Variants in CEP164 observed in about 807,000 individuals in gnomAD.
The protein encoded by CEP164 is centrosomal protein 164.
Under a neutral mutation model 182.7 loss-of-function variants are expected in CEP164, and 162 were observed. That is an observed-to-expected ratio of 0.89 (90% confidence interval 0.78 to 1.01). CEP164 has a LOEUF of 1.01. Among genes scored for constraint, CEP164 ranks in the 50% least tolerant of loss-of-function variants. The pLI, the probability that CEP164 is intolerant of heterozygous loss-of-function variation, is 0.00. For missense variants in CEP164, 1,735 were observed against 1,790.4 expected (o/e 0.97, Z 0.56); for synonymous variants, 661 against 690.0 (o/e 0.96, Z 0.66).
intron 1 of CEP164, among the ~76,000 whole-genome samples, chr11:117,329,247 C>T (rs1021739847): frequency 3.9e-5 from 6 of 152,138 alleles, no homozygotes; most frequent in Admixed American, 3.9e-4. Context: ...CAGGCATGCA[C>T]CACTATTCTT....
chr11:117,339,594 T>C (rs1051890611), intron 3 of CEP164, among the ~76,000 whole-genome samples: 7 of 144,446 alleles, frequency 4.8e-5, no homozygotes, highest in African/African-American at 1.8e-4. Context: ...AGTGGTATGA[T>C]CTTGGCTCAC....
chr11:117,356,985 C>G (rs1419346737), intron 5 of CEP164, among the ~76,000 whole-genome samples: 1 of 152,212 alleles, frequency 6.6e-6, no homozygotes, highest in African/African-American at 2.4e-5. Flanking sequence ...TTTTTCCTAT[C>G]AGCTGATTCT....
intron 5 of CEP164, chr11:117,359,387 C>A (rs924380206): frequency 2.0e-6 from 2 of 984,636 alleles, no homozygotes; most frequent in African/African-American, 3.5e-5. Flanking sequence ...GCTGGTGTTA[C>A]GATTATCAGC....
intron 10 of CEP164, 76 bp downstream of exon 10, chr11:117,373,907 C>G: frequency 7.7e-7 from 1 of 1,294,660 alleles, no homozygotes; most frequent in Non-Finnish European, 1.1e-6. Flanking sequence ...AGTAATTTGC[C>G]TAGCATCACG....
chr11:117,382,071 G>A (rs1462132962), intron 13 of CEP164, among the ~76,000 whole-genome samples: 1 of 152,150 alleles, frequency 6.6e-6, no homozygotes, highest in Non-Finnish European at 1.5e-5. Context: ...ATGAGGAAAT[G>A]TGCCTCTTCC....
chr11:117,366,968 G>A (rs2041703312), intron 8 of CEP164, among the ~76,000 whole-genome samples: 1 of 152,206 alleles, frequency 6.6e-6, no homozygotes, highest in Non-Finnish European at 1.5e-5. Flanking sequence ...CAGCAGAAAT[G>A]TGCCTTGAGA....
upstream of CEP164, among the ~76,000 whole-genome samples, chr11:117,323,364 A>G (rs926672301): frequency 2.0e-5 from 3 of 150,530 alleles, no homozygotes; most frequent in Admixed American, 1.3e-4. Flanking sequence ...TTCTGTGCCT[A>G]GCTTATTTCA....
chr11:117,392,230 T>C lies in CEP164; in HGVS notation c.2288T>C (p.Val763Ala), dbSNP rs1592362998. ...AGTCCCTTTGCTCCTCCCCAGGCTGTGGCAACGCTGGAGAAGGAGCACAGT... is the reference window on the plus strand; with the variant it reads ...AGTCCCTTTGCTCCTCCCCAGGCTGCGGCAACGCTGGAGAAGGAGCACAGT... ...EQLEGERKEA[V>A]ATLEKEHSAE... Residue 763 changes from valine to alanine, a missense_variant, in exon 18 of 33, where the codon GTG (valine) becomes GCG (alanine). Coordinates refer to ENST00000278935, the MANE Select transcript of CEP164 (RefSeq NM_014956.5). 1 of 1,602,986 alleles carries C rather than the reference T, an allele frequency of 6.2e-7. No homozygotes were observed. The highest frequency in any genetic ancestry group is 8.5e-7 in the Non-Finnish European group (1 of 1,173,590).
intron 27 of CEP164, among the ~76,000 whole-genome samples, chr11:117,400,200 A>C (rs1664108878): frequency 6.6e-6 from 1 of 152,248 alleles, no homozygotes; most frequent in South Asian, 2.1e-4. Context: ...AGTTTTCTGC[A>C]TATGGCTAGT....
Position 117,394,716 on chromosome 11 carries a change from G to A in CEP164, c.2761-204G>A, listed in dbSNP as rs2045204730. Among the ~76,000 whole-genome samples, 1 of 152,162 alleles carries A rather than the reference G, an allele frequency of 6.6e-6. No homozygotes were observed. Among genetic ancestry groups the A allele is most frequent in the Non-Finnish European group, 1.5e-5 (1 of 68,026 alleles). ...GAGGTCAGCCCCTGTAAGGCATTGG[G>A]GTTGGCACCTTTGCGTCTCCTTGCC... On this transcript the variant is annotated intron_variant, in intron 21 of 32. Coordinates refer to ENST00000278935, the MANE Select transcript of CEP164 (RefSeq NM_014956.5). The surrounding 1 kb of genome is among the most constrained non-coding windows in gnomAD (Gnocchi z 4.0).
intron 11 of CEP164, among the ~76,000 whole-genome samples, chr11:117,376,753 T>G (rs548989403): frequency 1.3e-5 from 2 of 152,334 alleles, no homozygotes; most frequent in South Asian, 4.1e-4. Flanking sequence ...TACCAGGTCC[T>G]TGTTGGATCT....
rs484988 is a variant in CEP164, at chr11:117,395,932, G to C, written c.3090-122G>C. 0.35 allele frequency: 488,468 copies of C among 1,406,672 alleles called. 86,142 individuals carry two copies. The highest frequency in any genetic ancestry group is 0.36 in the African/African-American group (25,252 of 70,110). The allele number at this position is 1,406,672 out of a possible 1,614,324, so 87.1% of individuals were successfully genotyped here. On this transcript the variant is annotated intron_variant, in intron 24 of 32. Transcript: ENST00000278935. ...ATCTCTGGTGCTATTGTTCGTGCCTGAGCCCTTCCTCAGGGACTTTGACGG... is the reference window on the plus strand; with the variant it reads ...ATCTCTGGTGCTATTGTTCGTGCCTCAGCCCTTCCTCAGGGACTTTGACGG...
chr11:117,411,698 A>C lies in CEP164; in HGVS notation c.4164-97A>C, dbSNP rs1006457393. The C allele has an allele frequency of 3.9e-6, 6 of 1,524,864 alleles. No individual in the cohort carries two copies. The African/African-American group carries it at 8.3e-5, about 21-fold the overall frequency. 94.5% of individuals were successfully genotyped at this position (1,524,864 alleles called of 1,614,324 possible). A position where few individuals can be genotyped will look rare whatever the true frequency, so the allele number is the denominator to read the frequency against. ...AGAAGCTGCTCTGGTAGCTGAGAGA[A>C]AGAGGGAGGAGGTGACAGATGTGAT... is the stretch of plus-strand genomic sequence containing the variant. On this transcript the variant is annotated intron_variant, in intron 31 of 32. Coordinates refer to ENST00000278935, the MANE Select transcript of CEP164 (RefSeq NM_014956.5). The surrounding 1 kb of genome is among the most constrained non-coding windows in gnomAD (Gnocchi z 4.4).
chr11:117,388,771 CT>C (rs5795077), intron 15 of CEP164, among the ~76,000 whole-genome samples: 95,778 of 142,686 alleles, frequency 0.67, 32,014 homozygotes, highest in Non-Finnish European at 0.73. Flanking sequence ...AATTTTCTCT[CT>C]TTTTTTTTTT....
rs1413381721 is a variant in CEP164, at chr11:117,371,237, C to A, written c.923C>A (p.Pro308His). 6.2e-7 allele frequency: 1 copy of A among 1,614,172 alleles called. No homozygotes were observed. Among genetic ancestry groups the A allele is most frequent in the Admixed American group, 1.7e-5 (1 of 60,014 alleles). The change falls in exon 9 of 33, where the codon CCT (proline) becomes CAT (histidine). Residue 308 changes from proline (P) to histidine (H), a missense_variant. Physicochemically the swap from Pro to His is moderately conservative, Grantham distance 77. Coordinates refer to ENST00000278935, the MANE Select transcript of CEP164 (RefSeq NM_014956.5). ...GGGCGACAGGGAAGTGGAGCAAGAC[C>A]TGGTCTTCCAGAAAAAGAGGAAAAT... ...GKGRQGSGAR[P>H]GLPEKEENEK...
At chr11:117,402,247 A>T in intron 27 of CEP164, among the ~76,000 whole-genome samples, 3 of 147,154 alleles carry the variant, frequency 2.0e-5, no homozygotes, top group Non-Finnish European at 1.5e-5. Context: ...TTTGAGACAG[A>T]GTCTTGCTCT....
In CEP164 at chr11:117,397,923, C is replaced by T. The variant is rs141327490; in HGVS notation, c.3501+610C>T. ...CATGTCCTCACATTTCAAAACCAAT[C>T]ATGCCTTCCCAACAGTCCTCAAAGT... is the stretch of plus-strand genomic sequence containing the variant. On this transcript the variant is annotated intron_variant, in intron 27 of 32. Coordinates refer to ENST00000278935, the MANE Select transcript of CEP164 (RefSeq NM_014956.5). Among the ~76,000 whole-genome samples the T allele has an allele frequency of 4.5e-3, 685 of 152,282 alleles. 2 individuals are homozygous for T. The highest frequency in any genetic ancestry group is 0.01 in the Middle Eastern group (3 of 294).
chr11:117,341,377 C>G (rs183127432), intron 3 of CEP164, among the ~76,000 whole-genome samples: 1 of 152,186 alleles, frequency 6.6e-6, no homozygotes, highest in South Asian at 2.1e-4. Context: ...AACATAACAC[C>G]CTTGATGGGA....
intron 26 of CEP164, 50 bp from the exon 27 acceptor site, chr11:117,397,040 AG>A: frequency 6.5e-7 from 1 of 1,530,434 alleles, no homozygotes; most frequent in Non-Finnish European, 8.9e-7. Context: ...TGTGACCCAG[AG>A]CAGAGTTCTT....
Sources: allele counts gnomAD v4.1 joint callset (sites outside exome capture counted in the v4.1 genomes callset), GRCh38; gene constraint gnomAD v4.1.1; non-coding constraint Gnocchi (gnomAD v3.1); transcripts MANE v1.5; gene names NCBI Gene and HGNC (gene_info 2026-07-23, HGNC 2026-07-21).